GSE1: variants seen among roughly 807,000 people sequenced by gnomAD.
GSE1 encodes the protein genetic suppressor element 1.
In GSE1, 32 loss-of-function variants were observed where a neutral mutation model predicts 112.6. The ratio of observed to expected loss-of-function variants is 0.28; its 90% confidence interval spans 0.21 to 0.38. The LOEUF (loss-of-function observed/expected upper bound fraction) is 0.38. GSE1 is among the 10% of genes least tolerant of loss of function. GSE1 has a pLI of 1.00. For synonymous variants in GSE1, 1,115 were observed against 735.6 expected, an observed-to-expected ratio of 1.52 and a Z score of -8.35; for missense variants, 2,348 against 1,699.2, an observed-to-expected ratio of 1.38 and a Z score of -6.71.
intron 1 of GSE1, among the ~76,000 whole-genome samples, chr16:85,348,924 C>T (rs892743996): frequency 2.0e-5 from 3 of 151,898 alleles, no homozygotes; most frequent in East Asian, 1.9e-4. Flanking sequence ...CCCCCAGCTG[C>T]GGCGCCCTGC....
intron 2 of GSE1, among the ~76,000 whole-genome samples, chr16:85,371,773 G>T (rs1204819968): frequency 1.3e-5 from 2 of 152,206 alleles, no homozygotes; most frequent in Non-Finnish European, 2.9e-5. Context: ...GCCCTCTGAG[G>T]TCACTGAATC....
chr16:85,275,722 G>A (rs1431806300), intron 1 of GSE1, among the ~76,000 whole-genome samples: 1 of 152,196 alleles, frequency 6.6e-6, no homozygotes, highest in Non-Finnish European at 1.5e-5. Flanking sequence ...GCAGCCCTCC[G>A]CGTGGGGCCC....
intron 2 of GSE1, among the ~76,000 whole-genome samples, chr16:85,444,643 G>A (rs1303851553): frequency 1.3e-5 from 2 of 152,216 alleles, no homozygotes; most frequent in East Asian, 3.9e-4. Context: ...CTTGGGGTAA[G>A]TCCTTCAACC....
chr16:85,613,234 G>A (rs2151554145), upstream of GSE1: 3 of 1,511,842 alleles, frequency 2.0e-6, no homozygotes, highest in South Asian at 1.3e-5. Context: ...GGCGACAGCA[G>A]CAGGTGTTTC....
chr16:85,567,601 G>C (rs1042997094), intron 1 of GSE1, among the ~76,000 whole-genome samples: 3 of 152,112 alleles, frequency 2.0e-5, no homozygotes, highest in African/African-American at 7.3e-5. Flanking sequence ...CAGCTCACAA[G>C]CGGAAAGCTG....
chr16:85,221,221 G>A (rs1030731829), intron 1 of GSE1, among the ~76,000 whole-genome samples: 2 of 152,014 alleles, frequency 1.3e-5, no homozygotes, highest in Non-Finnish European at 2.9e-5. Context: ...GGCGGGCGGG[G>A]GGCCGGGCTG....
intron 3 of GSE1, among the ~76,000 whole-genome samples, chr16:85,651,375 C>T (rs767684195): frequency 1.3e-5 from 2 of 151,990 alleles, no homozygotes; most frequent in Admixed American, 6.5e-5. Flanking sequence ...GGGTCTGGCT[C>T]GCCGGGCCCC....
chr16:85,324,663 C>A (rs2046188737), intron 1 of GSE1, among the ~76,000 whole-genome samples: 1 of 152,062 alleles, frequency 6.6e-6, no homozygotes, highest in African/African-American at 2.4e-5. Context: ...TCTGGTCTAC[C>A]CAGAGAGTGG....
At chr16:85,572,503 C>G (rs2046049089) in intron 1 of GSE1, among the ~76,000 whole-genome samples, 1 of 150,958 alleles carries the variant, frequency 6.6e-6, no homozygotes, top group Admixed American at 6.6e-5. Flanking sequence ...AACCACATAC[C>G]ACACACACCA....
rs751263474 is a variant in GSE1 at position 85,656,416 on chromosome 16, C to G, written c.1063C>G (p.Arg355Gly). Reference protein sequence around the residue: ...REREREREADREREKERERER... With the variant: ...REREREREADGEREKERERER... ...GCGCGAGCGTGAGCGTGAGGCTGACCGCGAGCGGGAGAAGGAACGTGAGCG... is the reference window on the plus strand; with the variant it reads ...GCGCGAGCGTGAGCGTGAGGCTGACGGCGAGCGGGAGAAGGAACGTGAGCG... The change falls in exon 7 of 16, where the codon CGC becomes GGC. Residue 355 changes from arginine to glycine, a missense_variant. Arg to Gly is a moderately radical substitution (Grantham distance 125, BLOSUM62 -2). Transcript: ENST00000253458. 4 of 1,574,862 alleles carry G rather than the reference C, an allele frequency of 2.5e-6. No individual in the cohort carries two copies. In the African/African-American group the frequency reaches 4.2e-5, roughly 16 times the overall value.
At chr16:85,633,646 G>A (rs2049737406) in intron 1 of GSE1, among the ~76,000 whole-genome samples, 1 of 152,232 alleles carries the variant, frequency 6.6e-6, no homozygotes, top group African/African-American at 2.4e-5. Context: ...GCCCTGGAGA[G>A]GTAGAGGGAC....
At chr16:85,648,462 AG>A in intron 2 of GSE1, 89 bp from the exon 3 acceptor site, 4 of 665,612 alleles carry the variant, frequency 6.0e-6, no homozygotes, top group Non-Finnish European at 1.0e-5. Context: ...CACTTGGAGC[AG>A]GGGGGCAGCT....
At position 85,675,858 on chromosome 16, in the gene GSE1, T is replaced by G. The variant is rs2053648393; in HGVS notation, c.*3319T>G. 6.6e-6 allele frequency: 1 copy of G among 152,382 alleles called. No individual in the cohort carries two copies. The highest frequency in any genetic ancestry group is 1.5e-5 in the Non-Finnish European group (1 of 68,036). 9.4% of individuals were successfully genotyped at this position (152,382 alleles called of 1,614,324 possible). On this transcript the variant is annotated 3_prime_UTR_variant, in exon 16 of 16. Coordinates refer to ENST00000253458, the MANE Select transcript of GSE1 (RefSeq NM_014615.5). ...GTAACCAAGCTGTTGACTTTCTTAC[T>G]ACTTGCAGTAGCCTGTCCCCAACTT... is the stretch of plus-strand genomic sequence containing the variant.
intron 2 of GSE1, among the ~76,000 whole-genome samples, chr16:85,487,786 A>G (rs2050889097): frequency 6.6e-6 from 1 of 152,188 alleles, no homozygotes; most frequent in Admixed American, 6.5e-5. Context: ...TCATTCTGGA[A>G]TGGTGGAGCT....
chr16:85,532,386 G>A (rs117907904), intron 2 of GSE1, among the ~76,000 whole-genome samples: 27 of 152,186 alleles, frequency 1.8e-4, no homozygotes, highest in East Asian at 9.7e-4. Flanking sequence ...TCAGCCTCCC[G>A]AGTAGCTGGA....
intron 2 of GSE1, among the ~76,000 whole-genome samples, chr16:85,537,881 G>A (rs1347634255): frequency 6.6e-6 from 1 of 152,234 alleles, no homozygotes; most frequent in African/African-American, 2.4e-5. Flanking sequence ...TTTGAGTACA[G>A]GCTGGGATAG....
rs373938537 is a variant in GSE1, at chr16:85,654,368, C to T, written c.517C>T (p.Pro173Ser). 1.2e-6 allele frequency: 2 copies of T among 1,611,958 alleles called. No individual in the cohort carries two copies. The highest frequency in any genetic ancestry group is 2.2e-5 in the East Asian group (1 of 44,876). Residue 173 changes from proline to serine, a missense_variant, in exon 4 of 16, where the codon CCC becomes TCC. Transcript: ENST00000253458. Reference sequence around the variant, plus strand: ...GGAGAAGGCAGGGGGACCAGCCATCCCCTCGCACCTGCTCAGCACCCCCTA... The same window carrying T: ...GGAGAAGGCAGGGGGACCAGCCATCTCCTCGCACCTGCTCAGCACCCCCTA... ...PQEKAGGPAIPSHLLSTPYPF... is the reference protein window; with the variant it reads ...PQEKAGGPAISSHLLSTPYPF...
At chr16:85,558,882 G>T (rs1476905088) in intron 1 of GSE1, among the ~76,000 whole-genome samples, 1 of 151,810 alleles carries the variant, frequency 6.6e-6, no homozygotes, top group Admixed American at 6.6e-5. Context: ...TTTTGAGATG[G>T]AGTCTTGCTG....
At chr16:85,351,578 C>G (rs2046851174) in intron 1 of GSE1, among the ~76,000 whole-genome samples, 1 of 152,066 alleles carries the variant, frequency 6.6e-6, no homozygotes, top group Non-Finnish European at 1.5e-5. Context: ...TGAAAATGTT[C>G]TGAAATGGAT....
Sources: allele counts gnomAD v4.1 joint callset (sites outside exome capture counted in the v4.1 genomes callset), GRCh38; gene constraint gnomAD v4.1.1; transcripts MANE v1.5; gene names NCBI Gene and HGNC (gene_info 2026-07-23, HGNC 2026-07-21).